The following NTNG1 variants were observed in gnomAD, a reference collection of about 807,000 sequenced individuals.
The protein encoded by NTNG1 is netrin G1, also known as netrin-G1.
A neutral mutation model predicts 54.0 loss-of-function variants in NTNG1; 16 were observed. That is an observed-to-expected ratio of 0.30 (90% confidence interval 0.20 to 0.45). The LOEUF (loss-of-function observed/expected upper bound fraction) is 0.45, where lower values mean the gene tolerates loss of function less well. Ranked by LOEUF, NTNG1 falls within the 20% of genes least tolerant of loss-of-function variation. The probability of loss-of-function intolerance (pLI) is 1.00; values close to 1 mark genes in which losing one functional copy is unlikely to be tolerated. For missense variants in NTNG1, 530 were observed against 678.7 expected (o/e 0.78, Z 2.43); for synonymous variants, 255 against 263.1 (o/e 0.97, Z 0.30).
intron 2 of NTNG1, among the ~76,000 whole-genome samples, chr1:107,281,262 C>A (rs958999169): frequency 6.6e-6 from 1 of 151,994 alleles, no homozygotes; most frequent in Non-Finnish European, 1.5e-5. Context: ...CTTCAGAGCC[C>A]CCAGTAGAGT....
At chr1:107,157,988 A>G (rs1232050127) in intron 2 of NTNG1, among the ~76,000 whole-genome samples, 4 of 152,132 alleles carry the variant, frequency 2.6e-5, no homozygotes, top group East Asian at 1.9e-4. Flanking sequence ...TGGTAGAGAC[A>G]TAATCTTAGG....
At chr1:107,193,331 G>T (rs1658098505) in intron 2 of NTNG1, among the ~76,000 whole-genome samples, 2 of 151,970 alleles carry the variant, frequency 1.3e-5, no homozygotes, top group Non-Finnish European at 2.9e-5. Flanking sequence ...GTCATTTTGT[G>T]TTCTCCAAGC....
At chr1:107,140,831 G>A (rs1653604339), upstream of NTNG1, 1 of 152,596 alleles carries the variant, frequency 6.6e-6, no homozygotes, top group Non-Finnish European at 1.5e-5. Context: ...AAAAGTTTAA[G>A]GCGAGAAGTG....
At chr1:107,288,859 G>A (rs1665390357) in intron 2 of NTNG1, among the ~76,000 whole-genome samples, 2 of 152,104 alleles carry the variant, frequency 1.3e-5, no homozygotes, top group South Asian at 4.1e-4. Flanking sequence ...TCAGAATCAA[G>A]GTTCAATGAT....
At chr1:107,429,358 A>T (rs899472771) in intron 5 of NTNG1, among the ~76,000 whole-genome samples, 10 of 152,092 alleles carry the variant, frequency 6.6e-5, no homozygotes, top group African/African-American at 2.2e-4. Context: ...TAATTTTTTT[A>T]AAAGTTTAAA....
chr1:107,374,305 A>T (rs1043577933), intron 3 of NTNG1, among the ~76,000 whole-genome samples: 63 of 152,148 alleles, frequency 4.1e-4, no homozygotes, highest in African/African-American at 1.5e-3. Flanking sequence ...GTAATTATTT[A>T]TTCAAATATT....
At chr1:107,232,631 G>A (rs1425724412) in intron 2 of NTNG1, among the ~76,000 whole-genome samples, 1 of 152,114 alleles carries the variant, frequency 6.6e-6, no homozygotes, top group East Asian at 1.9e-4. Flanking sequence ...TGTTCGTCTT[G>A]AGATATTATA....
chr1:107,206,369 T>G (rs1162563340), intron 2 of NTNG1, among the ~76,000 whole-genome samples: 1 of 152,178 alleles, frequency 6.6e-6, no homozygotes, highest in Non-Finnish European at 1.5e-5. Flanking sequence ...TGGTTTTAAT[T>G]TTATTTTCCC....
At chr1:107,400,651 G>GTTTTTTTTTTTTTTTTTTTTTT (rs370579128) in intron 4 of NTNG1, among the ~76,000 whole-genome samples, 1 of 147,504 alleles carries the variant, frequency 6.8e-6, no homozygotes. Flanking sequence ...TGTGGAATAA[G>GTTTTTTTTTTTTTTTTTTTTTT]TTTTTTTTTT....
intron 1 of NTNG1, among the ~76,000 whole-genome samples, chr1:107,142,293 C>T (rs572404018): frequency 4.8e-5 from 7 of 144,914 alleles, no homozygotes; most frequent in Admixed American, 3.5e-4. Flanking sequence ...AATTTTAGTA[C>T]CCTCACCCGG....
intron 3 of NTNG1, among the ~76,000 whole-genome samples, chr1:107,367,693 C>T (rs1304292744): frequency 6.6e-6 from 1 of 152,042 alleles, no homozygotes; most frequent in Non-Finnish European, 1.5e-5. Flanking sequence ...TGTAGTTACT[C>T]TGTGCTAAAA....
At chr1:107,378,247 T>C (rs1557947755) in intron 3 of NTNG1, among the ~76,000 whole-genome samples, 1 of 152,160 alleles carries the variant, frequency 6.6e-6, no homozygotes, top group Non-Finnish European at 1.5e-5. Flanking sequence ...GCAGAAGCAC[T>C]CCTTCTCCCA....
rs1375986534 is a variant in NTNG1, at chr1:107,415,924, C to CT, written c.1087+8217dup. On this transcript the variant is annotated intron_variant, in intron 5 of 7. Transcript: ENST00000370068. ...GTTAGTAATATTTGTCGAGCATTTA[C>CT]TACATGCTAAGGTATTAGAATAAAA... Among the ~76,000 whole-genome samples the CT allele has an allele frequency of 2.6e-5, 4 of 152,232 alleles. No homozygotes were observed. In the East Asian group the frequency reaches 7.7e-4, roughly 29 times the overall value.
At chr1:107,439,864 T>A (rs1480772251) in intron 7 of NTNG1, among the ~76,000 whole-genome samples, 1 of 151,684 alleles carries the variant, frequency 6.6e-6, no homozygotes, top group Non-Finnish European at 1.5e-5. Context: ...TGCTGGAAGG[T>A]TGATAATTTT....
chr1:107,183,282 G>A (rs1657207108), intron 2 of NTNG1, among the ~76,000 whole-genome samples: 1 of 152,122 alleles, frequency 6.6e-6, no homozygotes, highest in South Asian at 2.1e-4. Context: ...ATCTGTTTAA[G>A]GTCTTTGGCA....
intron 7 of NTNG1, among the ~76,000 whole-genome samples, chr1:107,461,423 C>T (rs571139575): frequency 6.6e-6 from 1 of 152,188 alleles, no homozygotes; most frequent in South Asian, 2.1e-4. Context: ...GCAAGTATGG[C>T]TGGAGGGTGC....
chr1:107,285,363 C>T (rs1665120422), intron 2 of NTNG1, among the ~76,000 whole-genome samples: 1 of 152,042 alleles, frequency 6.6e-6, no homozygotes, highest in South Asian at 2.1e-4. Flanking sequence ...AGCTAAACAG[C>T]CTAATGTACC....
chr1:107,204,829 C>T (rs1438912178), intron 2 of NTNG1, among the ~76,000 whole-genome samples: 5 of 152,110 alleles, frequency 3.3e-5, no homozygotes, highest in African/African-American at 1.2e-4. Context: ...CCCTTCTTGA[C>T]TACTGGTTTT....
intron 2 of NTNG1, among the ~76,000 whole-genome samples, chr1:107,166,153 A>C (rs1465394696): frequency 1.3e-5 from 2 of 152,232 alleles, no homozygotes; most frequent in African/African-American, 4.8e-5. Flanking sequence ...GATCAATGAT[A>C]GCTTCATAAA....
Sources: allele counts gnomAD v4.1 joint callset (sites outside exome capture counted in the v4.1 genomes callset), GRCh38; gene constraint gnomAD v4.1.1; transcripts MANE v1.5; gene names NCBI Gene and HGNC (gene_info 2026-07-23, HGNC 2026-07-21).